The following LUZP1 variants were observed in gnomAD, a reference collection of about 807,000 sequenced individuals.
The protein encoded by LUZP1 is filamin mechanobinding actin cross-linking protein.
LUZP1 carries 25 observed loss-of-function variants against 71.3 expected under a neutral mutation model. The observed-to-expected ratio is 0.35, with a 90% CI of 0.26 to 0.49. The LOEUF is 0.49. Among genes scored for constraint, LUZP1 ranks in the 20% least tolerant of loss-of-function variants. The pLI is 0.99. For synonymous variants in LUZP1, 481 were observed against 506.4 expected (o/e 0.95, Z 0.67); for missense variants, 1,142 against 1,300.8 (o/e 0.88, Z 1.88).
At chr1:23,162,293 C>T (rs908862932) in intron 2 of LUZP1, among the ~76,000 whole-genome samples, 16 of 151,852 alleles carry the variant, frequency 1.1e-4, no homozygotes, top group African/African-American at 3.6e-4. Flanking sequence ...GTACTGGTAA[C>T]GCTGTTTCTT....
At chr1:23,108,699 T>C (rs890614552) in intron 3 of LUZP1, among the ~76,000 whole-genome samples, 1 of 152,228 alleles carries the variant, frequency 6.6e-6, no homozygotes, top group African/African-American at 2.4e-5. Flanking sequence ...TGTTTCCTTG[T>C]GGTGATGACA....
chr1:23,129,911 T>C (rs953164476), intron 2 of LUZP1, among the ~76,000 whole-genome samples: 7 of 152,214 alleles, frequency 4.6e-5, no homozygotes, highest in African/African-American at 1.2e-4. Context: ...GACAATATTA[T>C]AAATATTATA....
chr1:23,092,643 C>A, exon 4 of LUZP1: 2 of 1,614,178 alleles, frequency 1.2e-6, no homozygotes, highest in Non-Finnish European at 8.5e-7. Flanking sequence ...TCCCCTCTTG[C>A]CAAAGACAGT....
At chr1:23,161,506 T>C (rs1017392659) in intron 2 of LUZP1, among the ~76,000 whole-genome samples, 1 of 152,144 alleles carries the variant, frequency 6.6e-6, no homozygotes, top group South Asian at 2.1e-4. Flanking sequence ...ATGCCTGTAA[T>C]CTCAGCTACT....
At chr1:23,111,625 G>T (rs755410291) in intron 2 of LUZP1, among the ~76,000 whole-genome samples, 1 of 152,026 alleles carries the variant, frequency 6.6e-6, no homozygotes, top group African/African-American at 2.4e-5. Context: ...GGTGGATGTG[G>T]GGGAAGCTTT....
chr1:23,095,808 A>G (rs1557633897), intron 3 of LUZP1, among the ~76,000 whole-genome samples: 1 of 152,166 alleles, frequency 6.6e-6, no homozygotes, highest in Non-Finnish European at 1.5e-5. Context: ...AATTTATACC[A>G]TCTGAGTGGT....
chr1:23,127,555 G>T (rs189855185), intron 2 of LUZP1, among the ~76,000 whole-genome samples: 1 of 152,050 alleles, frequency 6.6e-6, no homozygotes, highest in Non-Finnish European at 1.5e-5. Flanking sequence ...ACGGAGTCTC[G>T]CTCTGTGGCC....
chr1:23,091,472 C>T (rs1389805613), exon 4 of LUZP1: 3 of 1,614,192 alleles, frequency 1.9e-6, no homozygotes, highest in Non-Finnish European at 8.5e-7. Context: ...CTAAAGATTT[C>T]AAGTCTCGCC....
intron 2 of LUZP1, among the ~76,000 whole-genome samples, chr1:23,157,230 G>A (rs1180145819): frequency 1.3e-5 from 2 of 152,214 alleles, no homozygotes; most frequent in Non-Finnish European, 2.9e-5. Flanking sequence ...TACTAGGGAG[G>A]CTAAAGTGAG....
chr1:23,089,878 A>C (rs1361874083), intron 4 of LUZP1, among the ~76,000 whole-genome samples: 1 of 151,910 alleles, frequency 6.6e-6, no homozygotes, highest in Non-Finnish European at 1.5e-5. Flanking sequence ...CTCCTGCCTC[A>C]GCCTCCTGAG....
chr1:23,176,210 C>T (rs190141822), intron 1 of LUZP1, among the ~76,000 whole-genome samples: 3 of 151,906 alleles, frequency 2.0e-5, no homozygotes, highest in Admixed American at 6.6e-5. Flanking sequence ...TATAGGCGTG[C>T]GCCACCACAC....
intron 2 of LUZP1, among the ~76,000 whole-genome samples, chr1:23,117,509 G>GT: frequency 1.7e-5 from 1 of 60,224 alleles, no homozygotes; most frequent in South Asian, 7.2e-4. Context: ...GGAAGCCCTG[G>GT]GGGGGGGGGC....
intron 2 of LUZP1, among the ~76,000 whole-genome samples, chr1:23,149,199 G>A (rs1370096055): frequency 3.3e-5 from 5 of 151,060 alleles, no homozygotes; most frequent in Non-Finnish European, 7.4e-5. Flanking sequence ...AAGACCAGAA[G>A]TGACCAATCC....
chr1:23,142,700 T>TACACACACACACACACAC (rs60316911), intron 2 of LUZP1, among the ~76,000 whole-genome samples: 1 of 104,338 alleles, frequency 9.6e-6, no homozygotes, highest in Non-Finnish European at 1.9e-5. Flanking sequence ...TATATATATA[T>TACACACACACACACACAC]ACACACACAC....
intron 3 of LUZP1, among the ~76,000 whole-genome samples, chr1:23,097,235 A>C (rs1225559763): frequency 6.6e-6 from 1 of 152,202 alleles, no homozygotes; most frequent in East Asian, 1.9e-4. Context: ...TTACGTTTCA[A>C]CACGAATTTT....
chr1:23,095,558 C>T (rs1643887859), intron 3 of LUZP1, among the ~76,000 whole-genome samples: 1 of 152,166 alleles, frequency 6.6e-6, no homozygotes, highest in Admixed American at 6.5e-5. Context: ...TTCTAACAAT[C>T]ATGCAGGTAT....
chr1:23,119,834 TAAGA>T (rs926366598), intron 2 of LUZP1, among the ~76,000 whole-genome samples: 1 of 152,162 alleles, frequency 6.6e-6, no homozygotes, highest in African/African-American at 2.4e-5. Context: ...TATAAACTTA[TAAGA>T]AAGAATAATT....
chr1:23,137,861 C>T (rs1644267250), intron 2 of LUZP1, among the ~76,000 whole-genome samples: 1 of 152,142 alleles, frequency 6.6e-6, no homozygotes, highest in South Asian at 2.1e-4. Context: ...GAATTACATC[C>T]CCAAAAATGA....
At chr1:23,112,942 G>A in intron 2 of LUZP1, among the ~76,000 whole-genome samples, 1 of 152,206 alleles carries the variant, frequency 6.6e-6, no homozygotes, top group East Asian at 1.9e-4. Context: ...GAAAAGAACT[G>A]AACTGAAATT....
Sources: allele counts gnomAD v4.1 joint callset (sites outside exome capture counted in the v4.1 genomes callset), GRCh38; gene constraint gnomAD v4.1.1; transcripts MANE v1.5; gene names NCBI Gene and HGNC (gene_info 2026-07-23, HGNC 2026-07-21).